IFT140: variants seen among roughly 807,000 people sequenced by gnomAD.
IFT140 encodes the protein intraflagellar transport 140, also known as intraflagellar transport protein 140 homolog.
Under a neutral mutation model 164.6 loss-of-function variants are expected in IFT140, and 133 were observed. That is an observed-to-expected ratio of 0.81 (90% CI 0.70 to 0.93). IFT140 has a LOEUF of 0.93. IFT140 is among the 40% of genes least tolerant of loss of function. The pLI, the probability that IFT140 is intolerant of heterozygous loss-of-function variation, is 0.00. For synonymous variants in IFT140, 860 were observed against 817.3 expected, an observed-to-expected ratio of 1.05 and a Z score of -0.89; for missense variants, 2,045 against 1,972.3, an observed-to-expected ratio of 1.04 and a Z score of -0.70.
chr16:1,555,196 G>A, intron 19 of IFT140: 1 of 842,010 alleles, frequency 1.2e-6, no homozygotes, highest in Non-Finnish European at 1.8e-6. Flanking sequence ...TGTTATGTCG[G>A]TCATATGTCT....
intron 3 of IFT140, chr16:1,604,316 T>TGG (rs1555496537): frequency 7.9e-6 from 1 of 127,004 alleles, no homozygotes; most frequent in Admixed American, 7.7e-5. Flanking sequence ...TGTGTGTGTG[T>TGG]GGAGGGGGGA....
intron 24 of IFT140, 127 bp downstream of exon 24, chr16:1,524,425 G>T: frequency 2.4e-6 from 3 of 1,264,368 alleles, no homozygotes; most frequent in Non-Finnish European, 3.2e-6. Context: ...GACGGGGTGA[G>T]CAGTGAGTGG....
In IFT140 at chr16:1,592,661, G is replaced by A. The variant is rs1445480559; in HGVS notation, c.370-73C>T. 4 of 1,502,906 alleles carry A rather than the reference G, an allele frequency of 2.7e-6. 1 individual carries two copies. Among genetic ancestry groups the A allele is most frequent in the South Asian group, 2.6e-5 (2 of 77,034 alleles). The allele number at this position is 1,502,906 out of a possible 1,614,324, so 93.1% of individuals were successfully genotyped here. ...GACTGGTGGAGGGACAGGTGTCCTGGCAGAGCGACTGGTGGTGGGACAGGT... is the reference window on the plus strand; with the variant it reads ...GACTGGTGGAGGGACAGGTGTCCTGACAGAGCGACTGGTGGTGGGACAGGT... On this transcript the variant is annotated intron_variant, in intron 4 of 30. Transcript: ENST00000426508.
rs139144568 is a variant in IFT140 at position 1,528,492 on chromosome 16, CACAT to C, written c.2400-1700_2400-1697del. ...GGATGCACACACAAGCACATGCACTCACATACACACACATGCAGGCACACACACA... is the reference window on the plus strand; with the variant it reads ...GGATGCACACACAAGCACATGCACTCACACACACATGCAGGCACACACACA... On this transcript the variant is annotated intron_variant, in intron 19 of 30. Transcript: ENST00000426508. Among the ~76,000 whole-genome samples, 909 of 151,986 alleles carry C rather than the reference CACAT, an allele frequency of 6.0e-3. 6 individuals carry two copies. Among genetic ancestry groups the C allele is most frequent in the East Asian group, 0.023 (117 of 5,168 alleles).
chr16:1,574,800 G>A (rs2034194662), intron 13 of IFT140, among the ~76,000 whole-genome samples: 1 of 152,118 alleles, frequency 6.6e-6, no homozygotes, highest in Non-Finnish European at 1.5e-5. Flanking sequence ...TGGGGCAGAT[G>A]TGACTCCCTG....
chr16:1,607,371 C>G (rs1367241885), intron 2 of IFT140, 74 bp from the exon 3 acceptor site: 1 of 1,316,902 alleles, frequency 7.6e-7, no homozygotes, highest in East Asian at 2.4e-5. Context: ...CATGGAATGA[C>G]GAAAAGGAAG....
intron 19 of IFT140, among the ~76,000 whole-genome samples, chr16:1,545,600 G>T (rs944200068): frequency 6.6e-6 from 1 of 152,158 alleles, no homozygotes; most frequent in Non-Finnish European, 1.5e-5. Context: ...ACAAGGAAAC[G>T]CCTGCTATTA....
chr16:1,511,117 G>A lies in IFT140; in HGVS notation c.4216C>T (p.Leu1406Phe). 3.7e-6 allele frequency: 6 copies of A among 1,608,498 alleles called. No individual in the cohort carries two copies. Among genetic ancestry groups the A allele is most frequent in the Non-Finnish European group, 5.1e-6 (6 of 1,178,558 alleles). The change falls in exon 31 of 31, where the codon CTT (leucine) becomes TTT (phenylalanine). Residue 1406 changes from leucine (L) to phenylalanine (F), a missense_variant. By Grantham distance (22) the Leu-to-Phe change is conservative. Coordinates refer to ENST00000426508, the MANE Select transcript of IFT140 (RefSeq NM_014714.4). ...TAGTAGGACATGTTGGCCAAGGGAA[G>A]CCGCCGCCGCATCTCCTCCAGGAAT... ...YRFLEEMRRRLPLANMSYYVS... is the reference protein window; with the variant it reads ...YRFLEEMRRRFPLANMSYYVS...
intron 4 of IFT140, among the ~76,000 whole-genome samples, chr16:1,593,758 T>C (rs1480533521): frequency 6.6e-6 from 1 of 152,074 alleles, no homozygotes; most frequent in Non-Finnish European, 1.5e-5. Context: ...CTGCCGGCAT[T>C]GTCACTGCCG....
chr16:1,557,001 G>C (rs977057357), intron 19 of IFT140, among the ~76,000 whole-genome samples: 1 of 152,066 alleles, frequency 6.6e-6, no homozygotes, highest in African/African-American at 2.4e-5. Context: ...AGTAGAGATG[G>C]GGGGGCGGTT....
At chr16:1,518,909 G>C (rs2040441049) in intron 29 of IFT140, among the ~76,000 whole-genome samples, 1 of 151,972 alleles carries the variant, frequency 6.6e-6, no homozygotes, top group South Asian at 2.1e-4. Context: ...TGGAGCTCAG[G>C]CTCCCATGTC....
chr16:1,586,032 A>G lies in IFT140; in HGVS notation c.1155+98T>C, dbSNP rs2034857022. The G allele has an allele frequency of 1.3e-5, 19 of 1,456,770 alleles. No homozygotes were observed. In the South Asian group the frequency reaches 2.2e-4, roughly 17 times the overall value. The allele number at this position is 1,456,770 out of a possible 1,614,324, so 90.2% of individuals were successfully genotyped here. On this transcript the variant is annotated intron_variant, in intron 10 of 30. Transcript: ENST00000426508. ...ATGATCCACCCGCCTTGGCCTCCCA[A>G]AGTGCTGGGATTACAGGCGTGAGCC...
In IFT140 at chr16:1,571,517, G is replaced by T. The variant is rs141542834; in HGVS notation, c.1542C>A (p.Leu514=). The T allele has an allele frequency of 2.9e-3, 4,757 of 1,612,668 alleles. 23 individuals carry two copies. Among genetic ancestry groups the T allele is most frequent in the Middle Eastern group, 0.024 (143 of 6,060 alleles). ...VRTWQGTVKQ[L]LLFSETEGNP... is the part of the protein sequence containing the mutation. ...TCCCCTCAGTCTCCGAGAAAAGGAG[G>T]AGTTGTTTGACAGTCCCCTGAGGAA... Residue 514 remains leucine (L), a synonymous_variant, in exon 14 of 31, where the codon CTC becomes CTA. Transcript: ENST00000426508.
chr16:1,542,183 A>G, intron 19 of IFT140: 1 of 1,279,228 alleles, frequency 7.8e-7, no homozygotes. Flanking sequence ...GCTGCAGGCC[A>G]TACCTCTCAA....
At chr16:1,519,853 C>T in intron 29 of IFT140, 28 bp downstream of exon 29, 1 of 1,514,766 alleles carries the variant, frequency 6.6e-7, no homozygotes, top group Non-Finnish European at 8.8e-7. Flanking sequence ...TCTGCCCTGG[C>T]CTGTCCCCGC....
At chr16:1,572,658 A>G (rs2034083976) in intron 13 of IFT140, among the ~76,000 whole-genome samples, 1 of 152,166 alleles carries the variant, frequency 6.6e-6, no homozygotes, top group Non-Finnish European at 1.5e-5. Flanking sequence ...AGAAACAACA[A>G]CAAAAAAGAA....
rs774864079 is a variant in IFT140, at chr16:1,526,668, G to A, written c.2528C>T (p.Pro843Leu). ...CACGGCCACGCGGGCCTCTAGCTCCGGCTCCTGCTCCGCCTCACGCAGCGC... is the reference window on the plus strand; with the variant it reads ...CACGGCCACGCGGGCCTCTAGCTCCAGCTCCTGCTCCGCCTCACGCAGCGC... The part of the protein sequence containing the change: ...ARALREAEQE[P>L]ELEARVAVLA... The change falls in exon 20 of 31, where the codon CCG (proline) becomes CTG (leucine). Residue 843 changes from proline (P) to leucine (L), a missense_variant. Physicochemically the swap from Pro to Leu is moderately conservative, Grantham distance 98. Coordinates refer to ENST00000426508, the MANE Select transcript of IFT140 (RefSeq NM_014714.4). The A allele has an allele frequency of 1.0e-4, 161 of 1,597,906 alleles. 3 individuals are homozygous for A. The highest frequency in any genetic ancestry group is 8.7e-4 in the Middle Eastern group (5 of 5,760).
chr16:1,588,038 C>T lies in IFT140; in HGVS notation c.811-14G>A. The T allele has an allele frequency of 1.2e-6, 2 of 1,612,204 alleles. No individual in the cohort carries two copies. Among genetic ancestry groups the T allele is most frequent in the Non-Finnish European group, 8.5e-7 (1 of 1,179,038 alleles). On this transcript the variant is annotated splice_polypyrimidine_tract_variant and intron_variant, in intron 7 of 30. Coordinates refer to ENST00000426508, the MANE Select transcript of IFT140 (RefSeq NM_014714.4). ...GCTCAGCTTGACCTGTGTGAGGAAA[C>T]AACCGAGCAGAGGCACCGTGCTTGC...
At chr16:1,528,724 G>A (rs1983601) in intron 19 of IFT140, 10,248 of 152,974 alleles carry the variant, frequency 0.067, 599 homozygotes, top group Admixed American at 0.19. Flanking sequence ...CAGCCTCCCC[G>A]CTGGCACGGT....
Sources: allele counts gnomAD v4.1 joint callset (sites outside exome capture counted in the v4.1 genomes callset), GRCh38; gene constraint gnomAD v4.1.1; transcripts MANE v1.5; gene names NCBI Gene and HGNC (gene_info 2026-07-23, HGNC 2026-07-21).